The following GNG2 variants were observed in gnomAD, a reference collection of about 807,000 sequenced individuals.
The protein encoded by GNG2 is G protein subunit gamma 2, also known as guanine nucleotide-binding protein G(I)/G(S)/G(O) subunit gamma-2.
In GNG2, 5 loss-of-function variants were observed where a neutral mutation model predicts 5.5. The observed-to-expected ratio is 0.91, with a 90% CI of 0.48 to 1.92. The LOEUF (loss-of-function observed/expected upper bound fraction) is 1.92, where lower values mean the gene tolerates loss of function less well. Ranked by LOEUF, GNG2 falls within the 30% of genes most tolerant of loss-of-function variation. The probability of loss-of-function intolerance (pLI) is 0.01; values close to 1 mark genes in which losing one functional copy is unlikely to be tolerated. For missense variants in GNG2, 55 were observed against 88.4 expected (o/e 0.62, Z 1.52); for synonymous variants, 28 against 32.0 (o/e 0.88, Z 0.42).
rs1890015937 is a variant in GNG2, at chr14:51,967,904, A to G, written c.*1217A>G. ...ACCCACAGCTCCAGAGAAGGTGACC[A>G]TTCTCAGAACTCCAGCTATTCACTC... is the stretch of plus-strand genomic sequence containing the variant. On this transcript the variant is annotated 3_prime_UTR_variant, in exon 4 of 4. Transcript: ENST00000556766. 6.6e-6 allele frequency: 1 copy of G among 152,174 alleles called. No homozygotes were observed. Among genetic ancestry groups the G allele is most frequent in the Non-Finnish European group, 1.5e-5 (1 of 68,042 alleles). 9.4% of individuals were successfully genotyped at this position (152,174 alleles called of 1,614,324 possible). A position where few individuals can be genotyped will look rare whatever the true frequency, so the allele number is the denominator to read the frequency against.
At chr14:51,921,368 C>T (rs1191809292) in intron 2 of GNG2, among the ~76,000 whole-genome samples, 2 of 152,146 alleles carry the variant, frequency 1.3e-5, no homozygotes, top group African/African-American at 2.4e-5. Context: ...AAGAAGGTCA[C>T]CTCTTCTAAA....
chr14:51,828,805 T>A (rs955061700), intron 2 of GNG2, among the ~76,000 whole-genome samples: 22 of 152,264 alleles, frequency 1.4e-4, no homozygotes, highest in African/African-American at 5.3e-4. Flanking sequence ...CCTGCCCCTA[T>A]AGCCCTGCCC....
chr14:51,903,808 C>A (rs1431179070), intron 2 of GNG2, among the ~76,000 whole-genome samples: 1 of 152,200 alleles, frequency 6.6e-6, no homozygotes, highest in South Asian at 2.1e-4. Flanking sequence ...ACCACCAACT[C>A]TATGGTTTGG....
rs138096000 is a variant in GNG2 at position 51,928,286 on chromosome 14, C to T, written c.-29-22364C>T. On this transcript the variant is annotated intron_variant, in intron 2 of 3. Transcript: ENST00000556766. ...ACCTCGTGATCCACCCACCTGGTCT[C>T]CCAAAGTGCTGGAAATTACAGGCGC... 9.6e-4 allele frequency among the ~76,000 whole-genome samples: 146 copies of T among 152,088 alleles called. 3 individuals carry two copies. The highest frequency in any genetic ancestry group is 3.4e-3 in the African/African-American group (139 of 41,488).
chr14:51,935,023 TTC>T (rs375294337), intron 2 of GNG2, among the ~76,000 whole-genome samples: 5,705 of 109,176 alleles, frequency 0.052, 353 homozygotes, highest in East Asian at 0.13. Context: ...CCCAGTTTCT[TTC>T]TTTTTTTTTT....
chr14:51,880,967 G>GAA (rs11463019), intron 2 of GNG2, among the ~76,000 whole-genome samples: 30,687 of 101,714 alleles, frequency 0.3, 4,845 homozygotes, highest in South Asian at 0.41. Flanking sequence ...CAAAAAAAAA[G>GAA]AAAAAAAAAA....
intron 3 of GNG2, among the ~76,000 whole-genome samples, chr14:51,965,669 A>G (rs1889851064): frequency 6.6e-6 from 1 of 152,224 alleles, no homozygotes. Context: ...AATATGTTCT[A>G]TATAGTGTGT....
At position 51,915,789 on chromosome 14, in the gene GNG2, A is replaced by C. The variant is rs144126491; in HGVS notation, c.-29-34861A>C. 1.5e-3 allele frequency among the ~76,000 whole-genome samples: 236 copies of C among 152,304 alleles called. 2 individuals are homozygous for C. The highest frequency in any genetic ancestry group is 5.1e-3 in the African/African-American group (214 of 41,572). ...CTTAGCCTGAATCACTTTTGCCTAC[A>C]TATGTGAATTATGGGTCTGTGTTTA... On this transcript the variant is annotated intron_variant, in intron 2 of 3. Coordinates refer to ENST00000556766, the MANE Select transcript of GNG2 (RefSeq NM_053064.5).
intron 2 of GNG2, among the ~76,000 whole-genome samples, chr14:51,837,607 A>G (rs1297284654): frequency 1.1e-4 from 17 of 151,528 alleles, no homozygotes. Context: ...AGATTGCACC[A>G]CTGCATACCA....
At chr14:51,859,490 A>G (rs936605287), upstream of GNG2, among the ~76,000 whole-genome samples, 4 of 152,220 alleles carry the variant, frequency 2.6e-5, no homozygotes, top group African/African-American at 9.7e-5. Context: ...CATCCTCTAA[A>G]AATAATAAGA....
rs574783206 is a variant in GNG2 at position 51,942,592 on chromosome 14, T to TCTGTC, written c.-29-8058_-29-8057insCTGTC. Among the ~76,000 whole-genome samples the TCTGTC allele has an allele frequency of 2.3e-5, 3 of 132,154 alleles. No individual in the cohort carries two copies. The East Asian group carries it at 6.5e-4, about 28-fold the overall frequency. 86.7% of individuals were successfully genotyped at this position (132,154 alleles called of 152,430 possible). The stretch of plus-strand genomic sequence containing the variant: ...TTTTCTCTTTCTTTCTTTCTTTCTT[T>TCTGTC]TTTTTTTTTTTTTTAGAGACAGGGA... On this transcript the variant is annotated intron_variant, in intron 2 of 3. Coordinates refer to ENST00000556766, the MANE Select transcript of GNG2 (RefSeq NM_053064.5).
At chr14:51,962,325 T>G (rs1889663218) in intron 3 of GNG2, among the ~76,000 whole-genome samples, 1 of 152,208 alleles carries the variant, frequency 6.6e-6, no homozygotes. Context: ...TGAACAGAAA[T>G]GCAGTGTTGA....
chr14:51,965,578 A>G (rs1346688343), intron 3 of GNG2, among the ~76,000 whole-genome samples: 1 of 152,052 alleles, frequency 6.6e-6, no homozygotes, highest in African/African-American at 2.4e-5. Flanking sequence ...ATCAGTGACG[A>G]CCTCCCAGTG....
chr14:51,932,170 C>T lies in GNG2; in HGVS notation c.-29-18480C>T, dbSNP rs529421270. The stretch of plus-strand genomic sequence containing the variant: ...GCTGAGGCAGGAGAATGGCATGAAC[C>T]GGGGAGGTGGAGCTTGCAGTGAGCC... On this transcript the variant is annotated intron_variant, in intron 2 of 3. Transcript: ENST00000556766. Among the ~76,000 whole-genome samples the T allele has an allele frequency of 1.4e-4, 19 of 131,548 alleles. 1 individual carries two copies. The highest frequency in any genetic ancestry group is 5.3e-4 in the South Asian group (2 of 3,808). The allele number at this position is 131,548 out of a possible 152,430, so 86.3% of individuals were successfully genotyped here.
chr14:51,953,109 AC>A (rs1466989171), intron 3 of GNG2, among the ~76,000 whole-genome samples: 1 of 152,116 alleles, frequency 6.6e-6, no homozygotes, highest in African/African-American at 2.4e-5. Flanking sequence ...ACCTTACTTT[AC>A]TTAACACTTG....
intron 3 of GNG2, among the ~76,000 whole-genome samples, chr14:51,953,739 C>T (rs1008890296): frequency 6.6e-6 from 1 of 152,182 alleles, no homozygotes; most frequent in Admixed American, 6.5e-5. Flanking sequence ...CGGTTGTCAG[C>T]TAGCTGGTTT....
intron 2 of GNG2, among the ~76,000 whole-genome samples, chr14:51,889,216 A>T (rs950911985): frequency 4.0e-5 from 6 of 150,654 alleles, no homozygotes; most frequent in African/African-American, 1.2e-4. Flanking sequence ...GAGTTCAAGC[A>T]ATTCTCCTGC....
chr14:51,928,819 T>C (rs959258480), intron 2 of GNG2, among the ~76,000 whole-genome samples: 5 of 152,180 alleles, frequency 3.3e-5, no homozygotes, highest in African/African-American at 1.2e-4. Context: ...CAAATCCTGC[T>C]GGAGCTGCCT....
At chr14:51,960,477 C>T (rs1380500830) in intron 3 of GNG2, among the ~76,000 whole-genome samples, 1 of 146,962 alleles carries the variant, frequency 6.8e-6, no homozygotes, top group Non-Finnish European at 1.5e-5. Flanking sequence ...TATTTTTCAT[C>T]TCATTGTATT....
Sources: allele counts gnomAD v4.1 joint callset (sites outside exome capture counted in the v4.1 genomes callset), GRCh38; gene constraint gnomAD v4.1.1; transcripts MANE v1.5; gene names NCBI Gene and HGNC (gene_info 2026-07-23, HGNC 2026-07-21).